The following LOC400499 variants were observed in gnomAD, a reference collection of about 807,000 sequenced individuals.
the LOC400499 span, chr16:11,460,859 A>C: frequency 7.2e-7 from 1 of 1,383,660 alleles, no homozygotes; most frequent in Non-Finnish European, 9.5e-7. Flanking sequence ...CTAATGGAAA[A>C]CCCCGTGGTG....
chr16:11,460,029 G>A, the LOC400499 span: 55 of 1,469,132 alleles, frequency 3.7e-5, no homozygotes, highest in South Asian at 3.1e-4. Context: ...CAGGTGGCCC[G>A]AGTCCTCCTC....
the LOC400499 span, among the ~76,000 whole-genome samples, chr16:11,395,215 A>C: frequency 6.6e-6 from 1 of 152,134 alleles, no homozygotes; most frequent in Non-Finnish European, 1.5e-5. Flanking sequence ...GCCTGGGTGA[A>C]TGCCTGACCT....
At chr16:11,414,111 C>T in the LOC400499 span, among the ~76,000 whole-genome samples, 1 of 152,162 alleles carries the variant, frequency 6.6e-6, no homozygotes, top group African/African-American at 2.4e-5. Context: ...AGGAGCCAGA[C>T]GAGGCTCCAG....
chr16:11,460,183 A>ATT, the LOC400499 span: 1 of 807,922 alleles, frequency 1.2e-6, no homozygotes, highest in Non-Finnish European at 1.7e-6. Context: ...AGAAAGCACT[A>ATT]TTTTTTTTTA....
the LOC400499 span, chr16:11,399,095 G>T: frequency 2.1e-6 from 1 of 486,674 alleles, no homozygotes; most frequent in Non-Finnish European, 2.7e-6. Context: ...GCAGAACAGT[G>T]CTCGGCCCCA....
chr16:11,461,243 C>G, the LOC400499 span: 1 of 1,191,428 alleles, frequency 8.4e-7, no homozygotes, highest in Non-Finnish European at 1.1e-6. Flanking sequence ...CCTTGAAGAG[C>G]CAACATGTGC....
chr16:11,482,920 T>C, the LOC400499 span, among the ~76,000 whole-genome samples: 1 of 139,102 alleles, frequency 7.2e-6, no homozygotes, highest in Non-Finnish European at 1.6e-5. Flanking sequence ...AAAGAAAAAA[T>C]CAACAACTTG....
chr16:11,435,905 G>A, the LOC400499 span: 399 of 399,308 alleles, frequency 1.0e-3, no homozygotes, highest in Non-Finnish European at 1.5e-3. Context: ...GGAGGGACAG[G>A]AAGGGTCTAT....
At chr16:11,372,498 G>A in the LOC400499 span, 10 of 152,494 alleles carry the variant, frequency 6.6e-5, no homozygotes, top group African/African-American at 2.4e-4. Context: ...GTGGAGGAAG[G>A]GGGAGAATTA....
chr16:11,522,097 T>G, the LOC400499 span: 2 of 392,140 alleles, frequency 5.1e-6, no homozygotes, highest in Non-Finnish European at 8.9e-6. Context: ...CACAGGGAGG[T>G]GGGGCCCAGC....
the LOC400499 span, among the ~76,000 whole-genome samples, chr16:11,433,118 C>T: frequency 3.3e-5 from 5 of 152,178 alleles, no homozygotes; most frequent in Non-Finnish European, 5.9e-5. Context: ...ACTCTTGTAC[C>T]GCAATGGCAG....
At chr16:11,510,499 C>T in the LOC400499 span, among the ~76,000 whole-genome samples, 1 of 151,746 alleles carries the variant, frequency 6.6e-6, no homozygotes, top group Non-Finnish European at 1.5e-5. Context: ...CTTGGCGCCC[C>T]TGTCTAAGTC....
the LOC400499 span, chr16:11,393,582 C>T: frequency 1.6e-6 from 2 of 1,232,272 alleles, no homozygotes; most frequent in Non-Finnish European, 1.0e-6. Context: ...AGGCAGAGGC[C>T]TGAGTGGAGC....
the LOC400499 span, among the ~76,000 whole-genome samples, chr16:11,497,033 T>C: frequency 1.3e-5 from 2 of 152,010 alleles, no homozygotes; most frequent in Non-Finnish European, 2.9e-5. Context: ...TGTGTGTAGG[T>C]CTGTGTGTGT....
the LOC400499 span, chr16:11,385,159 A>C: frequency 8.1e-7 from 1 of 1,230,728 alleles, no homozygotes; most frequent in Non-Finnish European, 1.0e-6. Context: ...CCATGGGCAC[A>C]GGTCTCCAGG....
At chr16:11,446,318 T>C in the LOC400499 span, among the ~76,000 whole-genome samples, 1 of 111,812 alleles carries the variant, frequency 8.9e-6, no homozygotes. Flanking sequence ...CCTGGCTAAT[T>C]AAACAATTTT....
the LOC400499 span, among the ~76,000 whole-genome samples, chr16:11,483,563 C>CT: frequency 6.6e-6 from 1 of 151,980 alleles, no homozygotes; most frequent in Non-Finnish European, 1.5e-5. Flanking sequence ...AGAGTACATG[C>CT]TTTTTTTAAA....
At chr16:11,502,113 A>T in the LOC400499 span, 1 of 399,034 alleles carries the variant, frequency 2.5e-6, no homozygotes, top group East Asian at 3.6e-5. Context: ...ATATTGCCAG[A>T]GTTCCATCAG....
chr16:11,425,490 T>C, the LOC400499 span: 5 of 398,936 alleles, frequency 1.3e-5, no homozygotes, highest in East Asian at 1.8e-4. Context: ...ATGAGCTGCT[T>C]TGGAGAGGAG....
Sources: gnomAD v4.1 joint callset for allele counts (sites outside exome capture counted in the v4.1 genomes callset) on GRCh38, gnomAD v4.1.1 for gene constraint, MANE v1.5 for transcripts.